Variants in CLCNKB observed in about 807,000 individuals in gnomAD.
CLCNKB encodes the protein chloride voltage-gated channel Kb, also known as chloride channel protein ClC-Kb.
Under a neutral mutation model 83.8 loss-of-function variants are expected in CLCNKB, and 74 were observed. The observed-to-expected ratio is 0.88, with a 90% CI of 0.73 to 1.07. CLCNKB has a LOEUF of 1.07. CLCNKB is among the 50% of genes least tolerant of loss of function. CLCNKB has a pLI of 0.00. For missense variants in CLCNKB, 798 were observed against 893.6 expected (o/e 0.89, Z 1.36); for synonymous variants, 358 against 356.6 (o/e 1.00, Z -0.04).
chr1:16,052,514 G>C (rs577791393), intron 15 of CLCNKB, 103 bp downstream of exon 15: 18 of 1,401,512 alleles, frequency 1.3e-5, no homozygotes, highest in Middle Eastern at 2.1e-4. Flanking sequence ...AGCTGACCTC[G>C]GACATGGGGG....
intron 3 of CLCNKB, among the ~76,000 whole-genome samples, chr1:16,046,218 C>T (rs2023097214): frequency 6.6e-6 from 1 of 152,200 alleles, no homozygotes; most frequent in Non-Finnish European, 1.5e-5. Flanking sequence ...TCTCAGTGGC[C>T]CTTTAGTCTT....
rs758970911 is a variant in CLCNKB, at chr1:16,048,010, T to G, written c.464T>G (p.Leu155Arg). ...GAKVVGLSCTLACGSTLFLGK... is the reference protein window; with the variant it reads ...GAKVVGLSCTRACGSTLFLGK... Reference sequence around the variant, plus strand: ...AAAGTGGTGGGCCTCTCCTGCACCCTGGCCTGTGGCAGCACCCTCTTCCTC... The same window carrying G: ...AAAGTGGTGGGCCTCTCCTGCACCCGGGCCTGTGGCAGCACCCTCTTCCTC... Residue 155 changes from leucine to arginine, a missense_variant, in exon 5 of 20, where the codon CTG becomes CGG. Leu to Arg is a moderately radical substitution (Grantham distance 102). Coordinates refer to ENST00000375679, the MANE Select transcript of CLCNKB (RefSeq NM_000085.5). 5.6e-6 allele frequency: 9 copies of G among 1,613,974 alleles called. No individual in the cohort carries two copies. Among genetic ancestry groups the G allele is most frequent in the Non-Finnish European group, 6.8e-6 (8 of 1,180,006 alleles).
rs750723386 is a variant in CLCNKB, at chr1:16,048,335, C to T, written c.499-8C>T. ...ACCTGGGCCCTGGGCCCACCCTTCT[C>T]TCTGCAGGGCCCTTTCGTGCACCTG... On this transcript the variant is annotated splice_region_variant and splice_polypyrimidine_tract_variant and intron_variant, in intron 5 of 19. Coordinates refer to ENST00000375679, the MANE Select transcript of CLCNKB (RefSeq NM_000085.5). The T allele has an allele frequency of 8.1e-6, 13 of 1,613,858 alleles. No individual in the cohort carries two copies. Among genetic ancestry groups the T allele is most frequent in the Non-Finnish European group, 1.0e-5 (12 of 1,180,018 alleles).
intron 15 of CLCNKB, among the ~76,000 whole-genome samples, chr1:16,053,425 C>T (rs557338509): frequency 2.5e-4 from 38 of 152,248 alleles, no homozygotes; most frequent in African/African-American, 7.7e-4. Context: ...GTCCAGGGGG[C>T]TGGGAATTCG....
rs757140490 is a variant in CLCNKB, at chr1:16,052,283, A to G, written c.1494A>G (p.Ala498=). 6.2e-7 allele frequency: 1 copy of G among 1,613,274 alleles called. No homozygotes were observed. Among genetic ancestry groups the G allele is most frequent in the Non-Finnish European group, 8.5e-7 (1 of 1,180,018 alleles). Residue 498 remains alanine, a synonymous_variant, in exon 15 of 20, where the codon GCA becomes GCG. Transcript: ENST00000375679. ...AGGTGACCGGCCAGATAGTGCATGC[A>G]CTGCCCGTGCTGATGGCGGTGCTGG... ...AFEVTGQIVH[A]LPVLMAVLAA...
rs992758067 is a variant in CLCNKB at position 16,044,737 on chromosome 1, C to T, written c.100+145C>T. On this transcript the variant is annotated intron_variant, in intron 2 of 19. Transcript: ENST00000375679. Reference sequence around the variant, plus strand: ...TGACTGCCCAAAGTCTCCTGGGTGGCAGGGAGGGAAGGGGTCTGTCTGTCC... The same window carrying T: ...TGACTGCCCAAAGTCTCCTGGGTGGTAGGGAGGGAAGGGGTCTGTCTGTCC... 2.5e-5 allele frequency: 18 copies of T among 719,308 alleles called. No homozygotes were observed. In the African/African-American group the frequency reaches 2.6e-4, roughly 10 times the overall value. The allele number at this position is 719,308 out of a possible 1,614,324, so 44.6% of individuals were successfully genotyped here.
chr1:16,050,783 G>T (rs2023262204), intron 11 of CLCNKB, 92 bp from the exon 12 acceptor site: 2 of 1,589,306 alleles, frequency 1.3e-6, no homozygotes, highest in Non-Finnish European at 8.6e-7. Flanking sequence ...AAGTGGCAGA[G>T]GAGGATTCCA....
intron 1 of CLCNKB, 28 bp from the exon 2 acceptor site, chr1:16,044,458 C>G: frequency 6.4e-7 from 1 of 1,562,484 alleles, no homozygotes; most frequent in South Asian, 1.2e-5. Flanking sequence ...CAGCTCACCG[C>G]GGTCCCTCCC....
intron 1 of CLCNKB, 143 bp downstream of exon 1, chr1:16,044,023 G>C (rs2124079640): frequency 6.2e-6 from 1 of 160,514 alleles, no homozygotes; most frequent in African/African-American, 2.4e-5. Context: ...CTGCCTCTGT[G>C]GCCTGAGCTG....
chr1:16,046,480 G>A, intron 3 of CLCNKB, 55 bp from the exon 4 acceptor site: 1 of 1,609,732 alleles, frequency 6.2e-7, no homozygotes, highest in Non-Finnish European at 8.5e-7. Flanking sequence ...CACAGCGTCT[G>A]GCCCCGAGGG....
intron 9 of CLCNKB, 39 bp from the exon 10 acceptor site, chr1:16,049,776 T>G: frequency 6.2e-7 from 1 of 1,613,598 alleles, no homozygotes; most frequent in Non-Finnish European, 8.5e-7. Context: ...CCCCTGGTAC[T>G]GGGGTCGGGC....
At chr1:16,055,383 G>C in intron 16 of CLCNKB, 52 bp from the exon 17 acceptor site, 5 of 1,438,210 alleles carry the variant, frequency 3.5e-6, no homozygotes, top group Non-Finnish European at 3.9e-6. Context: ...GTAAATGTGA[G>C]TCCCTGTTTC....
intron 8 of CLCNKB, 34 bp downstream of exon 8, chr1:16,049,279 C>G (rs562685135): frequency 2.5e-6 from 4 of 1,611,046 alleles, no homozygotes; most frequent in Admixed American, 1.7e-5. Context: ...CCTGGCCCTG[C>G]CTGGGGGCCG....
Position 16,055,540 on chromosome 1 carries a change from G to T in CLCNKB, c.1845+17G>T. ...GGACACCAGGTGGGTACTCCTGAGG[G>T]GCATGGGGATGGGGCGGGGGTGGGT... On this transcript the variant is annotated intron_variant, in intron 17 of 19. Transcript: ENST00000375679. 2 of 1,589,580 alleles carry T rather than the reference G, an allele frequency of 1.3e-6. No individual in the cohort carries two copies.
At chr1:16,049,286 G>T in intron 8 of CLCNKB, 41 bp downstream of exon 8, 4 of 1,609,676 alleles carry the variant, frequency 2.5e-6, no homozygotes, top group Non-Finnish European at 3.4e-6. Flanking sequence ...CTGCCTGGGG[G>T]CCGGGGCGAG....
intron 10 of CLCNKB, among the ~76,000 whole-genome samples, 171 bp downstream of exon 10, chr1:16,050,087 G>A (rs1479797689): frequency 4.6e-5 from 2 of 43,370 alleles, no homozygotes; most frequent in Non-Finnish European, 1.4e-4. Flanking sequence ...GTCACTGCCC[G>A]ACTACCTTAC....
rs1434556906 is a variant in CLCNKB, at chr1:16,055,504, C to G, written c.1826C>G (p.Ser609Cys). The change falls in exon 17 of 20, where the codon TCC becomes TGC. Residue 609 changes from serine (S) to cysteine (C), a missense_variant. Ser to Cys is a moderately radical substitution (Grantham distance 112, BLOSUM62 -1). Coordinates refer to ENST00000375679, the MANE Select transcript of CLCNKB (RefSeq NM_000085.5). Reference sequence around the variant, plus strand: ...CAGGCCCTGAAGGCTGAGCCTCCTTCCTGGGCTCCTGGACACCAGGTGGGT... The same window carrying G: ...CAGGCCCTGAAGGCTGAGCCTCCTTGCTGGGCTCCTGGACACCAGGTGGGT... ...LVQALKAEPP[S>C]WAPGHQQCLQ... 5.0e-6 allele frequency: 8 copies of G among 1,612,218 alleles called. No homozygotes were observed. The highest frequency in any genetic ancestry group is 6.8e-6 in the Non-Finnish European group (8 of 1,179,500).
At chr1:16,044,387 T>A in intron 1 of CLCNKB, 99 bp from the exon 2 acceptor site, 3 of 724,852 alleles carry the variant, frequency 4.1e-6, no homozygotes, top group Non-Finnish European at 6.7e-6. Flanking sequence ...ACGCACAATC[T>A]TTCCTCTTCA....
chr1:16,048,754 G>T (rs1466285838), intron 7 of CLCNKB, 172 bp downstream of exon 7: 3 of 1,474,072 alleles, frequency 2.0e-6, no homozygotes, highest in Non-Finnish European at 2.7e-6. Flanking sequence ...GGGGGGGCGG[G>T]TGACTTGATT....
Sources: gnomAD v4.1 joint callset for allele counts (sites outside exome capture counted in the v4.1 genomes callset) on GRCh38, gnomAD v4.1.1 for gene constraint, MANE v1.5 for transcripts, NCBI Gene and HGNC (gene_info 2026-07-23, HGNC 2026-07-21) for gene names.